SOX5: variants seen among roughly 807,000 people sequenced by gnomAD.
SOX5 encodes the protein SRY-box transcription factor 5, also known as transcription factor SOX-5.
A neutral mutation model predicts 92.0 loss-of-function variants in SOX5; 9 were observed. That is an observed-to-expected ratio of 0.10 (90% CI 0.06 to 0.17). The LOEUF is 0.17. SOX5 is among the 10% of genes least tolerant of loss of function. The pLI is 1.00. For missense variants in SOX5, 642 were observed against 944.5 expected, an observed-to-expected ratio of 0.68 and a Z score of 4.20; for synonymous variants, 344 against 336.3, an observed-to-expected ratio of 1.02 and a Z score of -0.25.
At chr12:23,584,744 T>C in intron 9 of SOX5, 1 of 599,176 alleles carries the variant, frequency 1.7e-6, no homozygotes, top group Non-Finnish European at 3.0e-6. Context: ...TGTGTGTGTG[T>C]GTGTATGTGT....
At chr12:23,859,908 A>T (rs989531122) in intron 2 of SOX5, among the ~76,000 whole-genome samples, 2 of 152,250 alleles carry the variant, frequency 1.3e-5, no homozygotes, top group Non-Finnish European at 1.5e-5. Context: ...CTAAATGCCC[A>T]TAAATGACTG....
chr12:23,980,893 C>T (rs1450440588), intron 4 of SOX5, among the ~76,000 whole-genome samples: 2 of 152,106 alleles, frequency 1.3e-5, no homozygotes, highest in Admixed American at 1.3e-4. Context: ...CCTGGTTCTG[C>T]GTCCCCAGCA....
intron 3 of SOX5, among the ~76,000 whole-genome samples, chr12:23,790,853 C>T (rs558752490): frequency 6.6e-6 from 1 of 152,228 alleles, no homozygotes; most frequent in East Asian, 1.9e-4. Context: ...CATGCAATCT[C>T]ATTTAATATT....
intron 4 of SOX5, among the ~76,000 whole-genome samples, chr12:24,006,439 T>G (rs1369791594): frequency 6.6e-6 from 1 of 152,044 alleles, no homozygotes; most frequent in Non-Finnish European, 1.5e-5. Flanking sequence ...CTAAGGGAGG[T>G]ACAGAACTTT....
rs779846890 is a variant in SOX5 at position 23,533,562 on chromosome 12, C to T, written c.*657G>A. The T allele has an allele frequency of 5.2e-5, 8 of 154,738 alleles. No homozygotes were observed. Among genetic ancestry groups the T allele is most frequent in the Non-Finnish European group, 8.6e-5 (6 of 69,514 alleles). 9.6% of individuals were successfully genotyped at this position (154,738 alleles called of 1,614,324 possible). A position where few individuals can be genotyped will look rare whatever the true frequency, so the allele number is the denominator to read the frequency against. On this transcript the variant is annotated 3_prime_UTR_variant, in exon 15 of 15. Transcript: ENST00000451604. ...TAAAGTCCTCTAAAGAAAATAATTG[C>T]TTATTTTGTGGTGGATAGCAAGGAA... is the stretch of plus-strand genomic sequence containing the variant.
intron 1 of SOX5, among the ~76,000 whole-genome samples, chr12:23,899,540 T>C (rs76536108): frequency 0.067 from 10,185 of 152,254 alleles, 403 homozygotes; most frequent in East Asian, 0.097. Context: ...CTCTTATCCT[T>C]TAGAGATGAT....
At chr12:24,358,361 G>C (rs1433210718) in intron 2 of SOX5, among the ~76,000 whole-genome samples, 1 of 152,148 alleles carries the variant, frequency 6.6e-6, no homozygotes, top group African/African-American at 2.4e-5. Context: ...AATCATTAGT[G>C]ATTACAGTAT....
intron 4 of SOX5, among the ~76,000 whole-genome samples, chr12:23,981,675 T>C (rs914871289): frequency 5.3e-5 from 8 of 152,208 alleles, no homozygotes; most frequent in Admixed American, 5.2e-4. Context: ...AAATATTGGA[T>C]GACATTTGCC....
intron 3 of SOX5, among the ~76,000 whole-genome samples, chr12:23,837,279 T>TTATATTTATATTTGTATAATATATAAGA (rs1568204748): frequency 2.7e-5 from 2 of 74,594 alleles, no homozygotes; most frequent in African/African-American, 1.0e-4. Flanking sequence ...TAATATGTAT[T>TTATATTTATATTTGTATAATATATAAGA]TATATTTATA....
chr12:24,383,544 C>T (rs1410822385), intron 1 of SOX5, among the ~76,000 whole-genome samples: 2 of 152,110 alleles, frequency 1.3e-5, no homozygotes, highest in African/African-American at 4.8e-5. Flanking sequence ...TTCCTGCTGT[C>T]CCACTCTGTC....
chr12:23,570,310 G>A (rs1565903555), intron 10 of SOX5, among the ~76,000 whole-genome samples: 1 of 152,116 alleles, frequency 6.6e-6, no homozygotes, highest in Non-Finnish European at 1.5e-5. Context: ...ACATGTGAAA[G>A]CAGTTTGCAA....
At chr12:24,304,838 C>T (rs1281015715) in intron 2 of SOX5, among the ~76,000 whole-genome samples, 1 of 152,132 alleles carries the variant, frequency 6.6e-6, no homozygotes, top group East Asian at 1.9e-4. Context: ...TAGACCCTCC[C>T]TCTCCCTCAC....
chr12:24,336,276 G>C (rs1217686250), intron 2 of SOX5, among the ~76,000 whole-genome samples: 2 of 151,860 alleles, frequency 1.3e-5, no homozygotes, highest in Admixed American at 6.6e-5. Flanking sequence ...TGTATTTTTA[G>C]TAGAGACGGT....
chr12:24,396,759 A>C (rs1960117247), intron 1 of SOX5, among the ~76,000 whole-genome samples: 2 of 152,250 alleles, frequency 1.3e-5, no homozygotes, highest in Non-Finnish European at 2.9e-5. Flanking sequence ...GAGTAGGCCT[A>C]AATCTCCAGG....
chr12:24,212,363 C>T lies in SOX5; in HGVS notation c.-2+980G>A. 5.7e-6 allele frequency: 3 copies of T among 529,678 alleles called. No individual in the cohort carries two copies. In the East Asian group the frequency reaches 1.6e-4, roughly 29 times the overall value. 32.8% of individuals were successfully genotyped at this position (529,678 alleles called of 1,614,324 possible). A position where few individuals can be genotyped will look rare whatever the true frequency, so the allele number is the denominator to read the frequency against. On this transcript the variant is annotated intron_variant, in intron 4 of 4. Transcript: ENST00000446891. ...GTCATTTTAATTGAAGAGATCTGAT[C>T]ACACTGAAGGACAAAGACATTTATC...
intron 1 of SOX5, among the ~76,000 whole-genome samples, chr12:24,389,973 A>T (rs1292412683): frequency 6.6e-6 from 1 of 152,140 alleles, no homozygotes; most frequent in African/African-American, 2.4e-5. Context: ...CTATATTCTT[A>T]TAACTACTTC....
chr12:24,019,822 T>A (rs1954083474), intron 4 of SOX5, among the ~76,000 whole-genome samples: 1 of 152,210 alleles, frequency 6.6e-6, no homozygotes, highest in Admixed American at 6.5e-5. Context: ...TTACTTAACA[T>A]CATTTGATCT....
intron 4 of SOX5, chr12:24,212,514 G>A (rs1389531802): frequency 1.9e-6 from 1 of 531,280 alleles, no homozygotes; most frequent in Non-Finnish European, 3.9e-6. Flanking sequence ...TACAAGGAAG[G>A]AAGGATTACA....
intron 4 of SOX5, among the ~76,000 whole-genome samples, chr12:23,966,872 C>T (rs567519230): frequency 6.6e-6 from 1 of 152,098 alleles, no homozygotes; most frequent in African/African-American, 2.4e-5. Context: ...AAAAGTAACA[C>T]CAGCATATAA....
Sources: gnomAD v4.1 joint callset for allele counts (sites outside exome capture counted in the v4.1 genomes callset) on GRCh38, gnomAD v4.1.1 for gene constraint, MANE v1.5 for transcripts, NCBI Gene and HGNC (gene_info 2026-07-23, HGNC 2026-07-21) for gene names.